The following ETV6 variants were observed in gnomAD, a reference collection of about 807,000 sequenced individuals.
ETV6 encodes the protein transcription factor ETV6.
ETV6 carries 16 observed loss-of-function variants against 51.1 expected under a neutral mutation model. That is an observed-to-expected ratio of 0.31 (90% CI 0.21 to 0.48). The LOEUF is 0.48. ETV6 is among the 20% of genes least tolerant of loss of function. The pLI, the probability that ETV6 is intolerant of heterozygous loss-of-function variation, is 0.99. For synonymous variants in ETV6, 240 were observed against 224.1 expected, an observed-to-expected ratio of 1.07 and a Z score of -0.64; for missense variants, 458 against 594.8, an observed-to-expected ratio of 0.77 and a Z score of 2.39.
chr12:11,736,248 AGT>A (rs1865700930), intron 1 of ETV6, among the ~76,000 whole-genome samples: 1 of 152,208 alleles, frequency 6.6e-6, no homozygotes. Context: ...ACAATTGTTG[AGT>A]ATCTACAGTG....
At chr12:11,726,893 ACACTT>A (rs762354568) in intron 1 of ETV6, among the ~76,000 whole-genome samples, 3 of 152,206 alleles carry the variant, frequency 2.0e-5, no homozygotes, top group Non-Finnish European at 4.4e-5. Flanking sequence ...ACACACACAT[ACACTT>A]CACTTCATCT....
intron 5 of ETV6, among the ~76,000 whole-genome samples, chr12:11,875,610 A>G (rs545035723): frequency 6.6e-6 from 1 of 151,982 alleles, no homozygotes; most frequent in African/African-American, 2.4e-5. Context: ...GAAATTCCTT[A>G]TTTGGACTTG....
chr12:11,807,475 T>A (rs1945845909), intron 2 of ETV6, among the ~76,000 whole-genome samples: 1 of 152,190 alleles, frequency 6.6e-6, no homozygotes, highest in African/African-American at 2.4e-5. Context: ...TTTTCAGGGC[T>A]CATTAGACAG....
intron 3 of ETV6, among the ~76,000 whole-genome samples, chr12:11,845,849 G>C (rs542027255): frequency 6.6e-6 from 1 of 151,984 alleles, no homozygotes; most frequent in African/African-American, 2.4e-5. Flanking sequence ...AAAATCAGCC[G>C]GGCGTGGTGG....
At chr12:11,792,740 G>A (rs1007716190) in intron 2 of ETV6, among the ~76,000 whole-genome samples, 1 of 152,062 alleles carries the variant, frequency 6.6e-6, no homozygotes, top group African/African-American at 2.4e-5. Flanking sequence ...TGCTAATGGG[G>A]TTCAATTTTC....
chr12:11,773,324 A>C (rs568058780), intron 2 of ETV6, among the ~76,000 whole-genome samples: 1 of 151,424 alleles, frequency 6.6e-6, no homozygotes, highest in South Asian at 2.1e-4. Context: ...TATATATATA[A>C]ATTTTTTTTT....
At chr12:11,839,080 C>T in intron 2 of ETV6, 60 bp from the exon 3 acceptor site, 1 of 1,540,856 alleles carries the variant, frequency 6.5e-7, no homozygotes, top group Non-Finnish European at 8.8e-7. Flanking sequence ...CCCTTTATTC[C>T]AGCTGTCTAA....
intron 5 of ETV6, among the ~76,000 whole-genome samples, chr12:11,874,630 ATG>A (rs771127501): frequency 0.45 from 2,837 of 6,358 alleles, 1,168 homozygotes; most frequent in Non-Finnish European, 0.83. Context: ...ACATATGTGT[ATG>A]TGTGTGTGTA....
chr12:11,739,621 A>G lies in ETV6; in HGVS notation c.34-12829A>G, dbSNP rs201783955. 4.6e-5 allele frequency among the ~76,000 whole-genome samples: 7 copies of G among 152,352 alleles called. No individual in the cohort carries two copies. The East Asian group carries it at 1.3e-3, about 29-fold the overall frequency. ...TAGTGTCGGATTTGAAATGTGCTCTAATGGAAACTAGACACCAGATTTCGA... is the reference window on the plus strand; with the variant it reads ...TAGTGTCGGATTTGAAATGTGCTCTGATGGAAACTAGACACCAGATTTCGA... On this transcript the variant is annotated intron_variant, in intron 1 of 7. Transcript: ENST00000396373.
At position 11,893,792 on chromosome 12, in the gene ETV6, TTTTATATA is replaced by T. The variant is rs1397945478; in HGVS notation, c.*2748_*2755del. ...TTGTGTCCATCCCCAAGATCTCTCATTTTATATATATATATATATATATATATATATAT... is the reference window on the plus strand; with the variant it reads ...TTGTGTCCATCCCCAAGATCTCTCATTATATATATATATATATATATATAT... On this transcript the variant is annotated 3_prime_UTR_variant, in exon 8 of 8. Coordinates refer to ENST00000396373, the MANE Select transcript of ETV6 (RefSeq NM_001987.5). The T allele has an allele frequency of 1.4e-3, 61 of 42,200 alleles. 5 individuals are homozygous for T. The highest frequency in any genetic ancestry group is 3.2e-3 in the South Asian group (3 of 946). 2.6% of individuals were successfully genotyped at this position (42,200 alleles called of 1,614,324 possible).
At position 11,752,512 on chromosome 12, in the gene ETV6, A is replaced by C. The variant is rs201002416; in HGVS notation, c.96A>C (p.Pro32=). The C allele has an allele frequency of 3.7e-5, 59 of 1,613,932 alleles. No individual in the cohort carries two copies. Among genetic ancestry groups the C allele is most frequent in the Admixed American group, 8.3e-5 (5 of 60,000 alleles). Reference sequence around the variant, plus strand: ...TGCCGAGTTACGCTTCCTCGACGCCACTTCATGTTCCAGTGCCTCGAGCGC... The same window carrying C: ...TGCCGAGTTACGCTTCCTCGACGCCCCTTCATGTTCCAGTGCCTCGAGCGC... ...SPVPSYASST[P]LHVPVPRALR... The change falls in exon 2 of 8, where the codon CCA becomes CCC. Residue 32 remains proline, a synonymous_variant. Transcript: ENST00000396373.
chr12:11,788,406 G>T (rs1945521116), intron 2 of ETV6, among the ~76,000 whole-genome samples: 1 of 152,112 alleles, frequency 6.6e-6, no homozygotes, highest in Admixed American at 6.6e-5. Context: ...TTAAAAAGTG[G>T]TCTAGGAAGT....
chr12:11,866,207 T>A (rs952345143), intron 4 of ETV6, among the ~76,000 whole-genome samples: 9 of 152,314 alleles, frequency 5.9e-5, no homozygotes, highest in East Asian at 1.9e-4. Context: ...CCTTTTTTTT[T>A]AATTCCATTT....
chr12:11,718,802 C>T (rs528388850), intron 1 of ETV6, among the ~76,000 whole-genome samples: 6 of 152,006 alleles, frequency 3.9e-5, no homozygotes, highest in South Asian at 2.1e-4. Context: ...CGCACACTCA[C>T]GAAGCCAGCC....
intron 1 of ETV6, among the ~76,000 whole-genome samples, chr12:11,689,421 C>CTATTT (rs1339398333): frequency 7.2e-5 from 11 of 152,126 alleles, no homozygotes; most frequent in Non-Finnish European, 1.0e-4. Flanking sequence ...AGTACATTTG[C>CTATTT]TATTTTATTT....
At chr12:11,700,618 A>G (rs541188991) in intron 1 of ETV6, among the ~76,000 whole-genome samples, 174 of 152,340 alleles carry the variant, frequency 1.1e-3, no homozygotes, top group African/African-American at 3.7e-3. Context: ...ATTATATACT[A>G]TATTCTTATA....
At chr12:11,687,319 T>G (rs929368439) in intron 1 of ETV6, among the ~76,000 whole-genome samples, 23 of 150,866 alleles carry the variant, frequency 1.5e-4, no homozygotes, top group Admixed American at 7.9e-4. Context: ...TAGCTGGGAT[T>G]ATAGGCACAT....
intron 1 of ETV6, among the ~76,000 whole-genome samples, chr12:11,684,397 C>T (rs1333548416): frequency 6.6e-6 from 1 of 152,124 alleles, no homozygotes; most frequent in African/African-American, 2.4e-5. Flanking sequence ...GAAAGTCTTT[C>T]TCTACTCTAA....
chr12:11,830,302 G>C (rs1341536326), intron 2 of ETV6, among the ~76,000 whole-genome samples: 3 of 152,226 alleles, frequency 2.0e-5, no homozygotes, highest in Non-Finnish European at 4.4e-5. Flanking sequence ...GCATTTTAGA[G>C]TGCAAGGGGC....
Sources: allele counts gnomAD v4.1 joint callset (sites outside exome capture counted in the v4.1 genomes callset), GRCh38; gene constraint gnomAD v4.1.1; transcripts MANE v1.5; gene names NCBI Gene and HGNC (gene_info 2026-07-23, HGNC 2026-07-21).